The following SOX6 variants were observed in gnomAD, a reference collection of about 807,000 sequenced individuals.
SOX6 encodes SRY-box transcription factor 6, also known as transcription factor SOX-6.
SOX6 carries 11 observed loss-of-function variants against 97.8 expected under a neutral mutation model. That is an observed-to-expected ratio of 0.11 (90% CI 0.07 to 0.19). SOX6 has a LOEUF of 0.19. Ranked by LOEUF, SOX6 falls within the 10% of genes least tolerant of loss-of-function variation. The pLI, the probability that SOX6 is intolerant of heterozygous loss-of-function variation, is 1.00. For missense variants in SOX6, 810 were observed against 1,039.5 expected (o/e 0.78, Z 3.04); for synonymous variants, 360 against 371.4 (o/e 0.97, Z 0.35).
chr11:16,137,827 G>A (rs1850015396), intron 6 of SOX6, among the ~76,000 whole-genome samples: 1 of 152,132 alleles, frequency 6.6e-6, no homozygotes, highest in African/African-American at 2.4e-5. Flanking sequence ...TAGTGAGTTA[G>A]TTCTCAGGAG....
At chr11:16,110,150 G>A (rs968015951) in intron 7 of SOX6, among the ~76,000 whole-genome samples, 18 of 152,052 alleles carry the variant, frequency 1.2e-4, no homozygotes, top group African/African-American at 3.6e-4. Context: ...AGATGTCTAC[G>A]TCTAACAGAA....
At chr11:16,098,452 T>TA (rs1308038822) in intron 7 of SOX6, among the ~76,000 whole-genome samples, 6 of 151,876 alleles carry the variant, frequency 4.0e-5, no homozygotes, top group Non-Finnish European at 5.9e-5. Flanking sequence ...TGCTATATCT[T>TA]AATGTGTTTC....
chr11:16,215,784 C>CA (rs764725099), intron 4 of SOX6, among the ~76,000 whole-genome samples: 1 of 152,094 alleles, frequency 6.6e-6, no homozygotes, highest in East Asian at 1.9e-4. Flanking sequence ...CCACAATTCT[C>CA]AAAAAAAGAA....
chr11:16,118,834 C>A (rs2134004170), intron 6 of SOX6, among the ~76,000 whole-genome samples: 1 of 152,210 alleles, frequency 6.6e-6, no homozygotes, highest in East Asian at 1.9e-4. Flanking sequence ...GAGTTAAAGA[C>A]AGTGCAAAAA....
At chr11:16,548,751 C>G (rs190841590) in intron 4 of SOX6, among the ~76,000 whole-genome samples, 32 of 151,976 alleles carry the variant, frequency 2.1e-4, no homozygotes, top group African/African-American at 7.0e-4. Context: ...TTCAAGAGAC[C>G]TATTGTACAA....
chr11:16,327,607 T>C (rs747647910), intron 2 of SOX6, among the ~76,000 whole-genome samples: 7 of 152,106 alleles, frequency 4.6e-5, no homozygotes, highest in Non-Finnish European at 8.8e-5. Flanking sequence ...TTCTCTCTAC[T>C]GTGTCCAGGA....
chr11:16,053,087 T>G (rs1847724465), intron 10 of SOX6, among the ~76,000 whole-genome samples: 1 of 152,162 alleles, frequency 6.6e-6, no homozygotes, highest in African/African-American at 2.4e-5. Flanking sequence ...AAATTCCATC[T>G]GCATTAGCAT....
intron 9 of SOX6, among the ~76,000 whole-genome samples, chr11:16,080,269 A>C (rs1361364854): frequency 1.3e-5 from 2 of 151,278 alleles, no homozygotes; most frequent in Non-Finnish European, 3.0e-5. Flanking sequence ...AAAAAAAAAA[A>C]AAAAAAAGAC....
chr11:16,445,212 T>C (rs1275750555), intron 1 of SOX6, among the ~76,000 whole-genome samples: 1 of 152,210 alleles, frequency 6.6e-6, no homozygotes. Flanking sequence ...ATGGTAACAC[T>C]AGAGTAACAA....
At chr11:16,368,456 T>TA (rs1857415450) in intron 1 of SOX6, among the ~76,000 whole-genome samples, 1 of 152,076 alleles carries the variant, frequency 6.6e-6, no homozygotes, top group African/African-American at 2.4e-5. Context: ...CACTCCAGCC[T>TA]AAGTGAAAGG....
intron 4 of SOX6, among the ~76,000 whole-genome samples, chr11:16,505,548 C>A (rs1860771896): frequency 6.6e-6 from 1 of 152,098 alleles, no homozygotes; most frequent in Admixed American, 6.6e-5. Flanking sequence ...AAAAACATTT[C>A]CTGGGGAGGA....
intron 3 of SOX6, among the ~76,000 whole-genome samples, chr11:16,264,170 A>C (rs2118363): frequency 0.78 from 118,700 of 151,740 alleles, 46,573 homozygotes; most frequent in Non-Finnish European, 0.8. Context: ...CATCCCATCC[A>C]TTCTACCCTA....
chr11:16,696,061 A>C (rs1343038955), intron 3 of SOX6, among the ~76,000 whole-genome samples: 1 of 152,158 alleles, frequency 6.6e-6, no homozygotes, highest in Non-Finnish European at 1.5e-5. Flanking sequence ...CAACAACTAC[A>C]AAGCCATTTA....
At chr11:16,572,812 T>C (rs1313314189) in intron 4 of SOX6, among the ~76,000 whole-genome samples, 1 of 152,182 alleles carries the variant, frequency 6.6e-6, no homozygotes, top group Non-Finnish European at 1.5e-5. Context: ...TTCTGGAAAT[T>C]ATCAACTACC....
chr11:16,550,833 A>T (rs1160541874), intron 4 of SOX6, among the ~76,000 whole-genome samples: 2 of 152,242 alleles, frequency 1.3e-5, no homozygotes, highest in Admixed American at 6.5e-5. Context: ...AACCATAATT[A>T]AAAAGTATAG....
chr11:16,673,203 A>G (rs1220517548), intron 3 of SOX6, among the ~76,000 whole-genome samples: 1 of 152,240 alleles, frequency 6.6e-6, no homozygotes, highest in Non-Finnish European at 1.5e-5. Context: ...TGTGTCTTAA[A>G]GAATTAGAAA....
intron 4 of SOX6, among the ~76,000 whole-genome samples, chr11:16,606,210 T>G (rs1848331917): frequency 6.7e-6 from 1 of 149,264 alleles, no homozygotes; most frequent in African/African-American, 2.5e-5. Context: ...CTCTCTTCTC[T>G]CTTTACTTCC....
At chr11:16,287,253 CTCTG>C (rs1854774025) in intron 3 of SOX6, among the ~76,000 whole-genome samples, 5 of 31,180 alleles carry the variant, frequency 1.6e-4, no homozygotes, top group African/African-American at 4.1e-4. Flanking sequence ...TCTCTCTTCT[CTCTG>C]TCTCTCTCTC....
chr11:16,328,171 C>A (rs1337057803), intron 2 of SOX6, among the ~76,000 whole-genome samples: 1 of 152,030 alleles, frequency 6.6e-6, no homozygotes, highest in Non-Finnish European at 1.5e-5. Context: ...TCTTTAGACC[C>A]TACTCAAAAT....
Sources: gnomAD v4.1 joint callset for allele counts (sites outside exome capture counted in the v4.1 genomes callset) on GRCh38, gnomAD v4.1.1 for gene constraint, MANE v1.5 for transcripts, NCBI Gene and HGNC (gene_info 2026-07-23, HGNC 2026-07-21) for gene names.